The following MYLK4 variants were observed in gnomAD, a reference collection of about 807,000 sequenced individuals.
MYLK4 encodes caMLCK like.
Under a neutral mutation model 48.1 loss-of-function variants are expected in MYLK4, and 46 were observed. The observed-to-expected ratio is 0.96, with a 90% CI of 0.75 to 1.22. The LOEUF is 1.22. MYLK4 is among the 50% of genes most tolerant of loss of function. The probability of loss-of-function intolerance (pLI) is 0.00; values close to 1 mark genes in which losing one functional copy is unlikely to be tolerated. For synonymous variants in MYLK4, 170 were observed against 180.8 expected (o/e 0.94, Z 0.48); for missense variants, 451 against 486.1 (o/e 0.93, Z 0.68).
chr6:2,668,614 T>G (rs1391088535), intron 12 of MYLK4, among the ~76,000 whole-genome samples: 1 of 152,132 alleles, frequency 6.6e-6, no homozygotes, highest in African/African-American at 2.4e-5. Context: ...CAATATTATC[T>G]CAAATTTGGT....
Position 2,749,184 on chromosome 6 carries a change from A to T in MYLK4, c.111T>A (p.Phe37Leu). Residue 37 changes from phenylalanine to leucine, a missense_variant, in exon 2 of 13, where the codon TTT becomes TTA. Phe to Leu is a conservative substitution (Grantham distance 22, BLOSUM62 0). Transcript: ENST00000274643. ...CCTGGTCCCCAGAATTTTTTTCCAG[A>T]AAACACTTCACTTTCTCCACCTCTT... Reference protein sequence around the residue: ...CREEVEKVKCFLEKNSGDQDS... With the variant: ...CREEVEKVKCLLEKNSGDQDS... 6.2e-7 allele frequency: 1 copy of T among 1,614,002 alleles called. No homozygotes were observed. Among genetic ancestry groups the T allele is most frequent in the Middle Eastern group, 1.7e-4 (1 of 6,060 alleles).
At chr6:2,704,258 C>A (rs1277739500) in intron 2 of MYLK4, among the ~76,000 whole-genome samples, 2 of 152,148 alleles carry the variant, frequency 1.3e-5, no homozygotes, top group Non-Finnish European at 2.9e-5. Context: ...CCATTACATG[C>A]CCTTTATTAC....
At chr6:2,690,612 C>A (rs1238621696) in intron 3 of MYLK4, among the ~76,000 whole-genome samples, 1 of 152,098 alleles carries the variant, frequency 6.6e-6, no homozygotes, top group African/African-American at 2.4e-5. Flanking sequence ...GAGCAGCACG[C>A]TCCCCATCAA....
At chr6:2,769,928 T>G in the MYLK4 span, among the ~76,000 whole-genome samples, 3 of 152,304 alleles carry the variant, frequency 2.0e-5, no homozygotes, top group Admixed American at 6.5e-5. Flanking sequence ...AGAAGATGTG[T>G]TTCAGACTTA....
the MYLK4 span, among the ~76,000 whole-genome samples, chr6:2,769,172 T>C: frequency 3.3e-5 from 5 of 152,374 alleles, no homozygotes; most frequent in Admixed American, 1.3e-4. Context: ...TTAATCTAAA[T>C]ACTAGGAGTC....
chr6:2,720,437 T>C (rs1347910917), intron 2 of MYLK4, among the ~76,000 whole-genome samples: 1 of 150,646 alleles, frequency 6.6e-6, no homozygotes, highest in East Asian at 1.9e-4. Flanking sequence ...CTAAAACTAA[T>C]GAAACAAAGC....
At chr6:2,737,357 T>G (rs1763717157) in intron 2 of MYLK4, among the ~76,000 whole-genome samples, 1 of 152,194 alleles carries the variant, frequency 6.6e-6, no homozygotes, top group Admixed American at 6.5e-5. Context: ...CCATTATGCC[T>G]TGCTTAATGC....
Position 2,690,362 on chromosome 6 carries a change from G to T in MYLK4, c.236-1406C>A, listed in dbSNP as rs543264515. Among the ~76,000 whole-genome samples, 622 of 152,286 alleles carry T rather than the reference G, an allele frequency of 4.1e-3. 2 individuals carry two copies. The highest frequency in any genetic ancestry group is 6.9e-3 in the Non-Finnish European group (468 of 68,016). On this transcript the variant is annotated intron_variant, in intron 3 of 12. Coordinates refer to ENST00000274643, the MANE Select transcript of MYLK4 (RefSeq NM_001012418.5). ...TACTGCTGCCCGGGCACTCTGTCTG[G>T]TCAGCATTCCAGAAAATGGATCCTA...
intron 2 of MYLK4, among the ~76,000 whole-genome samples, chr6:2,717,523 T>C (rs948064815): frequency 1.9e-4 from 29 of 152,144 alleles, no homozygotes; most frequent in African/African-American, 7.0e-4. Context: ...GTCCTGAAGG[T>C]CACATTTCCC....
chr6:2,744,294 G>A, intron 2 of MYLK4: 1 of 332,686 alleles, frequency 3.0e-6, no homozygotes. Context: ...TTGGGAGACT[G>A]CTGGCAATAA....
intron 2 of MYLK4, among the ~76,000 whole-genome samples, chr6:2,718,012 C>T (rs967899253): frequency 2.0e-5 from 3 of 152,092 alleles, no homozygotes; most frequent in Non-Finnish European, 2.9e-5. Flanking sequence ...GAAACCCCGT[C>T]TCTACCAAAA....
chr6:2,685,630 G>A lies in MYLK4; in HGVS notation c.342-54C>T. On this transcript the variant is annotated intron_variant, in intron 4 of 12. Coordinates refer to ENST00000274643, the MANE Select transcript of MYLK4 (RefSeq NM_001012418.5). The surrounding 1 kb of genome is among the most constrained non-coding windows in gnomAD (Gnocchi z 4.5). ...GAGGCCCTGTGGTCAGCTGCCGAGT[G>A]GACAGCGCACAGTGGCCCCAGTATT... The A allele has an allele frequency of 2.0e-6, 3 of 1,527,122 alleles. No individual in the cohort carries two copies. The highest frequency in any genetic ancestry group is 2.7e-6 in the Non-Finnish European group (3 of 1,103,630). 94.6% of individuals were successfully genotyped at this position (1,527,122 alleles called of 1,614,324 possible).
At chr6:2,705,415 C>T (rs1002571978) in intron 2 of MYLK4, among the ~76,000 whole-genome samples, 1 of 152,116 alleles carries the variant, frequency 6.6e-6, no homozygotes, top group Non-Finnish European at 1.5e-5. Context: ...ATGAGTGAAG[C>T]GGGATGGGGG....
At chr6:2,723,230 C>A (rs571643640) in intron 2 of MYLK4, among the ~76,000 whole-genome samples, 32 of 152,294 alleles carry the variant, frequency 2.1e-4, no homozygotes, top group African/African-American at 7.5e-4. Context: ...GAAGTCAAGG[C>A]TGCAGTGAGC....
intron 2 of MYLK4, among the ~76,000 whole-genome samples, chr6:2,705,462 G>T (rs1423828417): frequency 6.6e-6 from 1 of 152,184 alleles, no homozygotes; most frequent in East Asian, 1.9e-4. Flanking sequence ...TGCCCCTCCA[G>T]GTCCTTTTCA....
intron 2 of MYLK4, among the ~76,000 whole-genome samples, chr6:2,709,453 A>C (rs1266316725): frequency 6.6e-6 from 1 of 152,174 alleles, no homozygotes; most frequent in Non-Finnish European, 1.5e-5. Flanking sequence ...TGTGCCTTGC[A>C]CCTTCCCACT....
chr6:2,769,707 G>A, the MYLK4 span, among the ~76,000 whole-genome samples: 21,059 of 152,178 alleles, frequency 0.14, 1,824 homozygotes, highest in East Asian at 0.32. Flanking sequence ...ATGATTGAGT[G>A]CTTGCTGTGG....
chr6:2,765,430 C>T, the MYLK4 span: 5 of 575,634 alleles, frequency 8.7e-6, no homozygotes, highest in African/African-American at 2.0e-5. Flanking sequence ...CTGCCAGCGG[C>T]CGGCCGAGGG....
At chr6:2,691,191 T>C (rs1761784213) in intron 3 of MYLK4, among the ~76,000 whole-genome samples, 1 of 152,196 alleles carries the variant, frequency 6.6e-6, no homozygotes, top group South Asian at 2.1e-4. Flanking sequence ...ATTGACCTAA[T>C]TTCCATTTCT....
Sources: gnomAD v4.1 joint callset for allele counts (sites outside exome capture counted in the v4.1 genomes callset) on GRCh38, gnomAD v4.1.1 for gene constraint, Gnocchi (gnomAD v3.1) non-coding constraint, MANE v1.5 for transcripts, NCBI Gene and HGNC (gene_info 2026-07-23, HGNC 2026-07-21) for gene names.